FAT3: variants seen among roughly 807,000 people sequenced by gnomAD.
FAT3 encodes the protein FAT atypical cadherin 3, also known as protocadherin Fat 3.
Under a neutral mutation model 310.2 loss-of-function variants are expected in FAT3, and 95 were observed. That is an observed-to-expected ratio of 0.31 (90% confidence interval 0.26 to 0.36). The LOEUF (loss-of-function observed/expected upper bound fraction) is 0.36, where lower values mean the gene tolerates loss of function less well. Ranked by LOEUF, FAT3 falls within the 10% of genes least tolerant of loss-of-function variation. The pLI is 1.00. For synonymous variants in FAT3, 2,314 were observed against 2,192.9 expected (o/e 1.06, Z -1.54); for missense variants, 5,408 against 5,715.6 (o/e 0.95, Z 1.74).
chr11:92,301,769 A>C (rs1947004464), intron 1 of FAT3, among the ~76,000 whole-genome samples: 1 of 152,020 alleles, frequency 6.6e-6, no homozygotes, highest in African/African-American at 2.4e-5. Flanking sequence ...CAAATGTCCA[A>C]ACTAGATCAT....
At chr11:92,471,249 T>C (rs557822726) in intron 2 of FAT3, among the ~76,000 whole-genome samples, 3 of 152,312 alleles carry the variant, frequency 2.0e-5, no homozygotes, top group South Asian at 4.1e-4. Context: ...AGTGTAATTA[T>C]TGGGGCAAAG....
Position 92,798,671 on chromosome 11 carries a change from T to C in FAT3, c.5658T>C (p.Ala1886=). 1 of 1,613,800 alleles carries C rather than the reference T, an allele frequency of 6.2e-7. No individual in the cohort carries two copies. The highest frequency in any genetic ancestry group is 1.7e-5 in the Admixed American group (1 of 60,000). The change falls in exon 10 of 28, where the codon GCT becomes GCC. Residue 1886 remains alanine (A), a synonymous_variant. Coordinates refer to ENST00000525166, the MANE Select transcript of FAT3 (RefSeq NM_001367949.2). ...VNDNPPVFTQ[A]VFETILLLPT... ...ATAACCCACCTGTTTTTACTCAGGC[T>C]GTGTTTGAGACTATCTTACTTCTAC...
At chr11:92,331,168 A>T (rs985127043) in intron 1 of FAT3, among the ~76,000 whole-genome samples, 1 of 152,176 alleles carries the variant, frequency 6.6e-6, no homozygotes, top group Non-Finnish European at 1.5e-5. Context: ...GCCTATCTTT[A>T]AGATGTGGTA....
intron 1 of FAT3, among the ~76,000 whole-genome samples, chr11:92,349,787 CTTT>C (rs1221028783): frequency 6.6e-6 from 1 of 152,140 alleles, no homozygotes; most frequent in African/African-American, 2.4e-5. Context: ...CCTTTTTCAG[CTTT>C]TCATTTTTGC....
At chr11:92,229,507 G>GTTTTTTTTTTTT (rs1565339350) in intron 1 of FAT3, among the ~76,000 whole-genome samples, 1 of 58,160 alleles carries the variant, frequency 1.7e-5, no homozygotes, top group South Asian at 8.7e-4. Flanking sequence ...TTTTTTTTTT[G>GTTTTTTTTTTTT]TTTTTTGTTT....
chr11:92,601,138 T>G (rs1591506673), intron 3 of FAT3, among the ~76,000 whole-genome samples: 2 of 147,894 alleles, frequency 1.4e-5, no homozygotes. Flanking sequence ...AAGTGGGGAG[T>G]GATATGAGTC....
chr11:92,883,963 C>G lies in FAT3; in HGVS notation c.12937+570C>G, dbSNP rs1949739397. ...GGAGGATATTCCACCGTAGGGGGAC[C>G]CATGTGATCAGAAGAAAAGCAAGTC... On this transcript the variant is annotated intron_variant, in intron 24 of 27. Coordinates refer to ENST00000525166, the MANE Select transcript of FAT3 (RefSeq NM_001367949.2). The surrounding 1 kb of genome is among the most constrained non-coding windows in gnomAD (Gnocchi z 4.2). Among the ~76,000 whole-genome samples, 1 of 152,078 alleles carries G rather than the reference C, an allele frequency of 6.6e-6. No individual in the cohort carries two copies. Among genetic ancestry groups the G allele is most frequent in the Admixed American group, 6.5e-5 (1 of 15,278 alleles).
chr11:92,813,168 G>A (rs565341658), intron 13 of FAT3, among the ~76,000 whole-genome samples: 4 of 152,176 alleles, frequency 2.6e-5, no homozygotes, highest in East Asian at 3.9e-4. Context: ...CCCAGTCTCC[G>A]GTATATCTTT....
chr11:92,691,719 C>A (rs1344352168), intron 3 of FAT3, among the ~76,000 whole-genome samples: 3 of 152,096 alleles, frequency 2.0e-5, no homozygotes, highest in Admixed American at 6.6e-5. Context: ...AGTCATAAAT[C>A]ACAAATTAAC....
chr11:92,878,809 G>C (rs183238163), intron 22 of FAT3, among the ~76,000 whole-genome samples: 4 of 151,522 alleles, frequency 2.6e-5, no homozygotes, highest in Non-Finnish European at 4.4e-5. Flanking sequence ...GTTAGAGGAA[G>C]GTCCAGGAGA....
At chr11:92,850,575 GGGA>G (rs1340717264) in intron 19 of FAT3, among the ~76,000 whole-genome samples, 1 of 152,208 alleles carries the variant, frequency 6.6e-6, no homozygotes, top group African/African-American at 2.4e-5. Context: ...GAATTAAGAA[GGGA>G]GCTTATTGAC....
At chr11:92,367,626 G>C (rs1177114877) in intron 2 of FAT3, among the ~76,000 whole-genome samples, 1 of 151,834 alleles carries the variant, frequency 6.6e-6, no homozygotes, top group Non-Finnish European at 1.5e-5. Context: ...GTGAGACCTT[G>C]CCTCCAAAAA....
chr11:92,390,585 G>T (rs138463920), intron 2 of FAT3, among the ~76,000 whole-genome samples: 1 of 152,252 alleles, frequency 6.6e-6, no homozygotes, highest in Admixed American at 6.5e-5. Flanking sequence ...CCAAGATTGT[G>T]CTGAGCTTTG....
chr11:92,753,651 A>G (rs1284739656), intron 4 of FAT3, among the ~76,000 whole-genome samples: 1 of 152,218 alleles, frequency 6.6e-6, no homozygotes, highest in South Asian at 2.1e-4. Context: ...GGAAAATAGT[A>G]TGGAGGTTCC....
intron 1 of FAT3, among the ~76,000 whole-genome samples, chr11:92,315,500 T>G (rs994273383): frequency 1.2e-4 from 11 of 92,260 alleles, no homozygotes; most frequent in South Asian, 4.4e-4. Flanking sequence ...TATATATATA[T>G]ATATATATAT....
intron 2 of FAT3, among the ~76,000 whole-genome samples, chr11:92,465,581 G>C (rs896765179): frequency 2.6e-5 from 4 of 152,086 alleles, no homozygotes. Flanking sequence ...TTTCATGTGT[G>C]AAACCATCAT....
At chr11:92,631,155 C>A (rs1941544895) in intron 3 of FAT3, among the ~76,000 whole-genome samples, 1 of 152,170 alleles carries the variant, frequency 6.6e-6, no homozygotes, top group Admixed American at 6.5e-5. Flanking sequence ...TAAAAGTGAT[C>A]TAGCTCTAGT....
intron 2 of FAT3, among the ~76,000 whole-genome samples, chr11:92,494,374 C>T (rs532617060): frequency 1.3e-5 from 2 of 152,058 alleles, no homozygotes; most frequent in African/African-American, 2.4e-5. Flanking sequence ...AATAAAATAT[C>T]ATTATTGTTA....
intron 2 of FAT3, among the ~76,000 whole-genome samples, chr11:92,481,301 T>G (rs1952219017): frequency 7.2e-6 from 1 of 138,602 alleles, no homozygotes; most frequent in Non-Finnish European, 1.5e-5. Flanking sequence ...AATATCTACC[T>G]CTTTATATTA....
Sources: gnomAD v4.1 joint callset for allele counts (sites outside exome capture counted in the v4.1 genomes callset) on GRCh38, gnomAD v4.1.1 for gene constraint, Gnocchi (gnomAD v3.1) non-coding constraint, MANE v1.5 for transcripts, NCBI Gene and HGNC (gene_info 2026-07-23, HGNC 2026-07-21) for gene names.